Variants in CUBN observed in about 807,000 individuals in gnomAD.
CUBN encodes 460 kDa receptor.
In CUBN, 282 loss-of-function variants were observed where a neutral mutation model predicts 405.3. The ratio of observed to expected loss-of-function variants is 0.70; its 90% CI spans 0.63 to 0.77. CUBN has a LOEUF of 0.77. Among genes scored for constraint, CUBN ranks in the 30% least tolerant of loss-of-function variants. The pLI is 0.00. For missense variants in CUBN, 4,514 were observed against 4,475.2 expected (o/e 1.01, Z -0.25); for synonymous variants, 1,684 against 1,617.0 (o/e 1.04, Z -0.99).
chr10:17,105,704 A>G, intron 10 of CUBN, 129 bp from the exon 11 acceptor site: 2 of 687,524 alleles, frequency 2.9e-6, no homozygotes, highest in South Asian at 3.1e-5. Flanking sequence ...TGACGGGCAG[A>G]CAAAACAAGG....
intron 60 of CUBN, among the ~76,000 whole-genome samples, chr10:16,850,314 C>T (rs781141504): frequency 1.2e-4 from 18 of 152,126 alleles, no homozygotes; most frequent in Admixed American, 2.0e-4. Context: ...ACAAATCTTG[C>T]CATACTTTTT....
intron 43 of CUBN, among the ~76,000 whole-genome samples, chr10:16,921,355 C>T (rs745575063): frequency 1.3e-5 from 2 of 152,042 alleles, no homozygotes; most frequent in African/African-American, 4.8e-5. Context: ...ACATTAACTT[C>T]CTGTATCTCT....
chr10:16,910,844 A>C (rs1297517719), intron 48 of CUBN, among the ~76,000 whole-genome samples: 1 of 152,060 alleles, frequency 6.6e-6, no homozygotes, highest in African/African-American at 2.4e-5. Flanking sequence ...AGATAATTTC[A>C]GGTATACCAT....
chr10:16,832,075 A>G (rs1277911483), intron 64 of CUBN, among the ~76,000 whole-genome samples: 12 of 152,192 alleles, frequency 7.9e-5, no homozygotes, highest in African/African-American at 2.7e-4. Context: ...AGACACATAT[A>G]AAAACAGGAG....
chr10:16,998,117 C>T (rs12258009), intron 28 of CUBN, among the ~76,000 whole-genome samples: 18,382 of 151,906 alleles, frequency 0.12, 1,209 homozygotes, highest in Middle Eastern at 0.22. Context: ...GACAAAACAT[C>T]GTGACTCCAG....
In CUBN at chr10:17,047,530, G is replaced by T. The variant is rs1588609599; in HGVS notation, c.3213C>A (p.Asn1071Lys). 6.2e-7 allele frequency: 1 copy of T among 1,613,826 alleles called. No individual in the cohort carries two copies. Among genetic ancestry groups the T allele is most frequent in the Non-Finnish European group, 8.5e-7 (1 of 1,179,726 alleles). Residue 1071 changes from asparagine (N) to lysine (K), a missense_variant, in exon 23 of 67, where the codon AAC becomes AAA. This residue lies in a region of CUBN where 1,448 missense variants were observed against 1,388.0 expected (regional missense o/e 1.04). Transcript: ENST00000377833. ...SPNFPNNYPN[N>K]WECIYRITVR... is the part of the protein sequence containing the mutation. Reference sequence around the variant, plus strand: ...CTGTGATCCGATAAATGCATTCCCAGTTGTTGGGATAATTATTGGGGAAGT... The same window carrying T: ...CTGTGATCCGATAAATGCATTCCCATTTGTTGGGATAATTATTGGGGAAGT...
chr10:17,128,993 A>G, intron 2 of CUBN, 128 bp downstream of exon 2: 1 of 712,134 alleles, frequency 1.4e-6, no homozygotes. Context: ...ATAGGAATGT[A>G]TCAAATTATG....
At chr10:17,038,360 G>A (rs1271713776) in intron 27 of CUBN, among the ~76,000 whole-genome samples, 1 of 152,126 alleles carries the variant, frequency 6.6e-6, no homozygotes, top group East Asian at 1.9e-4. Context: ...TGTTTGCACG[G>A]GCAAATGGTC....
intron 31 of CUBN, among the ~76,000 whole-genome samples, chr10:16,967,991 A>AAGAG (rs3047254): frequency 0.38 from 54,372 of 144,956 alleles, 10,119 homozygotes; most frequent in Middle Eastern, 0.47. Context: ...GAGAGAGGAA[A>AAGAG]AGAGAGAGAG....
chr10:16,907,497 T>A lies in CUBN; in HGVS notation c.7705+11A>T. 1 of 1,614,054 alleles carries A rather than the reference T, an allele frequency of 6.2e-7. No homozygotes were observed. Among genetic ancestry groups the A allele is most frequent in the Non-Finnish European group, 8.5e-7 (1 of 1,179,964 alleles). ...ATTAAAATGGGGGGCATTTACAACA[T>A]CCTACATTACCTGCATCTTCACTGG... is the stretch of plus-strand genomic sequence containing the variant. On this transcript the variant is annotated intron_variant, in intron 49 of 66. Transcript: ENST00000377833.
At chr10:16,904,666 C>G (rs1841507059) in intron 50 of CUBN, among the ~76,000 whole-genome samples, 1 of 152,198 alleles carries the variant, frequency 6.6e-6, no homozygotes, top group African/African-American at 2.4e-5. Context: ...CAACAGAGCT[C>G]TCATTTATCT....
intron 27 of CUBN, among the ~76,000 whole-genome samples, chr10:17,037,476 A>G (rs1035543021): frequency 2.0e-5 from 3 of 152,238 alleles, no homozygotes; most frequent in Non-Finnish European, 2.9e-5. Context: ...ATATAGGCCA[A>G]TATCATGACT....
At chr10:17,091,739 T>C (rs570863405) in intron 14 of CUBN, among the ~76,000 whole-genome samples, 2 of 152,312 alleles carry the variant, frequency 1.3e-5, no homozygotes, top group African/African-American at 4.8e-5. Context: ...CCTGAAAAGA[T>C]TATTTTTTAC....
chr10:17,129,438 T>C (rs1307474118), intron 1 of CUBN, among the ~76,000 whole-genome samples, 188 bp from the exon 2 acceptor site: 2 of 152,234 alleles, frequency 1.3e-5, no homozygotes, highest in East Asian at 1.9e-4. Context: ...CTCCTGGCAA[T>C]TGCAAACAGA....
chr10:17,008,145 C>T (rs933883350), intron 28 of CUBN, among the ~76,000 whole-genome samples: 1 of 151,488 alleles, frequency 6.6e-6, no homozygotes, highest in South Asian at 2.1e-4. Context: ...AATGACACCT[C>T]GTCTCAAAAA....
chr10:17,089,888 G>A (rs1314654289), intron 14 of CUBN, among the ~76,000 whole-genome samples: 1 of 152,094 alleles, frequency 6.6e-6, no homozygotes, highest in Non-Finnish European at 1.5e-5. Flanking sequence ...ACTTTGGGAG[G>A]CTGAGGCAGG....
intron 31 of CUBN, among the ~76,000 whole-genome samples, chr10:16,965,357 G>A (rs1479966048): frequency 6.6e-6 from 1 of 152,202 alleles, no homozygotes; most frequent in Non-Finnish European, 1.5e-5. Context: ...ATAAAGACCA[G>A]TAATCACGCA....
intron 17 of CUBN, among the ~76,000 whole-genome samples, chr10:17,082,525 C>T (rs1835996179): frequency 6.6e-6 from 1 of 152,116 alleles, no homozygotes; most frequent in African/African-American, 2.4e-5. Context: ...TTCTTTAGAA[C>T]CAGAGAATCA....
intron 15 of CUBN, 52 bp from the exon 16 acceptor site, chr10:17,085,811 A>G (rs1836094655): frequency 6.6e-7 from 1 of 1,509,836 alleles, no homozygotes; most frequent in South Asian, 1.1e-5. Flanking sequence ...TTTTTAACAA[A>G]CTAGGTCACT....
Sources: allele counts gnomAD v4.1 joint callset (sites outside exome capture counted in the v4.1 genomes callset), GRCh38; gene constraint gnomAD v4.1.1; regional missense constraint gnomAD v4.1.1; transcripts MANE v1.5; gene names NCBI Gene and HGNC (gene_info 2026-07-23, HGNC 2026-07-21).